The following FOXP1 variants were observed in gnomAD, a reference collection of about 807,000 sequenced individuals.
FOXP1 encodes forkhead box P1, also known as forkhead box protein P1.
In FOXP1, 15 loss-of-function variants were observed where a neutral mutation model predicts 98.2. That is an observed-to-expected ratio of 0.15 (90% CI 0.10 to 0.24). The LOEUF (loss-of-function observed/expected upper bound fraction) is 0.24, where lower values mean the gene tolerates loss of function less well. Ranked by LOEUF, FOXP1 falls within the 10% of genes least tolerant of loss-of-function variation. The probability of loss-of-function intolerance (pLI) is 1.00; values close to 1 mark genes in which losing one functional copy is unlikely to be tolerated. For synonymous variants in FOXP1, 371 were observed against 314.5 expected, an observed-to-expected ratio of 1.18 and a Z score of -1.90; for missense variants, 633 against 848.5, an observed-to-expected ratio of 0.75 and a Z score of 3.15.
intron 3 of FOXP1, among the ~76,000 whole-genome samples, chr3:71,377,627 A>G (rs1484572119): frequency 1.3e-5 from 2 of 152,220 alleles, no homozygotes; most frequent in Admixed American, 6.5e-5. Flanking sequence ...TTGGGTAATT[A>G]TTTAACAACT....
intron 6 of FOXP1, among the ~76,000 whole-genome samples, chr3:71,119,836 G>C (rs1243725517): frequency 6.6e-6 from 1 of 152,180 alleles, no homozygotes; most frequent in Admixed American, 6.5e-5. Flanking sequence ...GTCACTTGTA[G>C]AACTGGAAGT....
At chr3:71,515,654 A>G (rs2042529613) in intron 2 of FOXP1, among the ~76,000 whole-genome samples, 1 of 152,174 alleles carries the variant, frequency 6.6e-6, no homozygotes, top group South Asian at 2.1e-4. Context: ...AGAAAGGGAG[A>G]CTTTTGTGCT....
At chr3:71,350,502 G>A (rs115915845) in intron 4 of FOXP1, among the ~76,000 whole-genome samples, 2,706 of 152,222 alleles carry the variant, frequency 0.018, 57 homozygotes, top group African/African-American at 0.038. Flanking sequence ...GCCTTAGGAC[G>A]ACAAACTGTG....
chr3:71,455,320 C>T (rs1199089494), intron 3 of FOXP1, among the ~76,000 whole-genome samples: 3 of 152,062 alleles, frequency 2.0e-5, no homozygotes, highest in South Asian at 4.2e-4. Flanking sequence ...CAGCTAAAGA[C>T]GGAAAGCACC....
chr3:71,438,156 A>G (rs2085551080), intron 3 of FOXP1, among the ~76,000 whole-genome samples: 1 of 152,234 alleles, frequency 6.6e-6, no homozygotes, highest in African/African-American at 2.4e-5. Context: ...ACGCACAGGA[A>G]TTACAGGAAT....
rs534042914 is a variant in FOXP1 at position 71,063,599 on chromosome 3, T to C, written c.283-9826A>G. Reference sequence around the variant, plus strand: ...TTAAAAAATCTGGCTTAACACTGACTTCCTAATGATAAAATAAATGTAACT... The same window carrying C: ...TTAAAAAATCTGGCTTAACACTGACCTCCTAATGATAAAATAAATGTAACT... On this transcript the variant is annotated intron_variant, in intron 7 of 20. Transcript: ENST00000649528. Among the ~76,000 whole-genome samples, 5 of 152,360 alleles carry C rather than the reference T, an allele frequency of 3.3e-5. No homozygotes were observed. The South Asian group carries it at 6.2e-4, about 19-fold the overall frequency.
At chr3:71,153,861 GGT>G (rs1448257256) in intron 6 of FOXP1, among the ~76,000 whole-genome samples, 3 of 152,064 alleles carry the variant, frequency 2.0e-5, no homozygotes, top group Non-Finnish European at 2.9e-5. Flanking sequence ...CCTTTCTAAA[GGT>G]GTGTTTTCAG....
At chr3:71,368,855 A>T (rs1049381475) in intron 3 of FOXP1, among the ~76,000 whole-genome samples, 1 of 152,214 alleles carries the variant, frequency 6.6e-6, no homozygotes, top group Non-Finnish European at 1.5e-5. Context: ...AACAAGAATA[A>T]GATGAGGAGG....
intron 2 of FOXP1, among the ~76,000 whole-genome samples, chr3:71,544,832 A>G (rs570817643): frequency 6.5e-5 from 7 of 108,354 alleles, no homozygotes; most frequent in African/African-American, 2.0e-4. Context: ...GAGGGTAGTC[A>G]AGAAAGATAA....
In FOXP1 at chr3:70,959,146, C is replaced by A; in HGVS notation, c.*101G>T. 12 of 1,385,056 alleles carry A rather than the reference C, an allele frequency of 8.7e-6. No homozygotes were observed. In the South Asian group the frequency reaches 1.3e-4, roughly 15 times the overall value. 85.8% of individuals were successfully genotyped at this position (1,385,056 alleles called of 1,614,324 possible). A position where few individuals can be genotyped will look rare whatever the true frequency, so the allele number is the denominator to read the frequency against. ...CAAAACGTAGTGAAAATCCTCCAGA[C>A]TGTACAACAAATGGAGAACAATTTC... On this transcript the variant is annotated 3_prime_UTR_variant, in exon 21 of 21. Transcript: ENST00000649528.
intron 3 of FOXP1, among the ~76,000 whole-genome samples, chr3:71,367,341 C>A (rs775009747): frequency 6.6e-6 from 1 of 152,320 alleles, no homozygotes; most frequent in African/African-American, 2.4e-5. Flanking sequence ...CTCTCTCTCA[C>A]GTTGCATTCA....
chr3:71,340,327 A>G (rs2076938755), intron 4 of FOXP1, among the ~76,000 whole-genome samples: 1 of 152,230 alleles, frequency 6.6e-6, no homozygotes, highest in African/African-American at 2.4e-5. Context: ...GTCCTAATAC[A>G]TTGAGTGTAT....
intron 2 of FOXP1, among the ~76,000 whole-genome samples, chr3:71,548,982 G>A (rs868292089): frequency 5.3e-5 from 8 of 152,230 alleles, no homozygotes; most frequent in Middle Eastern, 3.4e-3. Context: ...CATATCCAAG[G>A]TTAATAAGAG....
intron 3 of FOXP1, among the ~76,000 whole-genome samples, chr3:71,403,657 T>C (rs138698088): frequency 1.1e-4 from 16 of 152,320 alleles, no homozygotes; most frequent in African/African-American, 3.8e-4. Context: ...AAGACCAGCC[T>C]GGGCAACATG....
At chr3:71,399,929 A>G (rs1030182052) in intron 3 of FOXP1, among the ~76,000 whole-genome samples, 12 of 152,334 alleles carry the variant, frequency 7.9e-5, no homozygotes, top group African/African-American at 2.9e-4. Context: ...AGTATGTTCC[A>G]CATCAATCTG....
At position 71,158,079 on chromosome 3, in the gene FOXP1, CGAAA is replaced by C. The variant is rs1310423288; in HGVS notation, c.180+40119_180+40122del. 2.2e-3 allele frequency among the ~76,000 whole-genome samples: 52 copies of C among 24,052 alleles called. 1 individual carries two copies. The highest frequency in any genetic ancestry group is 5.3e-3 in the East Asian group (4 of 748). The allele number at this position is 24,052 out of a possible 152,430, so 15.8% of individuals were successfully genotyped here. ...CTCCAGCCTGGGTGGGAGGGTAAGACGAAAGAAGGAAGGAAGGAAGGAAGGAAGG... is the reference window on the plus strand; with the variant it reads ...CTCCAGCCTGGGTGGGAGGGTAAGACGAAGGAAGGAAGGAAGGAAGGAAGG... On this transcript the variant is annotated intron_variant, in intron 6 of 20. Transcript: ENST00000649528.
intron 11 of FOXP1, among the ~76,000 whole-genome samples, chr3:71,037,041 C>A (rs1353054961): frequency 6.6e-6 from 1 of 151,950 alleles, no homozygotes; most frequent in Non-Finnish European, 1.5e-5. Flanking sequence ...GTTCTATGAC[C>A]CTGGGTTAGT....
chr3:71,048,136 A>G (rs1354818819), intron 9 of FOXP1, among the ~76,000 whole-genome samples: 1 of 151,516 alleles, frequency 6.6e-6, no homozygotes, highest in Admixed American at 6.5e-5. Flanking sequence ...CCCAAACTGT[A>G]GCAAAAAAAA....
At chr3:71,365,864 T>C (rs2078891992) in intron 3 of FOXP1, among the ~76,000 whole-genome samples, 1 of 152,132 alleles carries the variant, frequency 6.6e-6, no homozygotes, top group Admixed American at 6.6e-5. Flanking sequence ...GTGCCTCTAG[T>C]CCCAGCTACT....
Sources: allele counts gnomAD v4.1 joint callset (sites outside exome capture counted in the v4.1 genomes callset), GRCh38; gene constraint gnomAD v4.1.1; transcripts MANE v1.5; gene names NCBI Gene and HGNC (gene_info 2026-07-23, HGNC 2026-07-21).